GRID1: variants seen among roughly 807,000 people sequenced by gnomAD.
GRID1 encodes the protein glutamate ionotropic receptor delta type subunit 1.
Under a neutral mutation model 98.0 loss-of-function variants are expected in GRID1, and 28 were observed. That is an observed-to-expected ratio of 0.29 (90% CI 0.21 to 0.39). The LOEUF (loss-of-function observed/expected upper bound fraction) is 0.39. GRID1 is among the 10% of genes least tolerant of loss of function. The pLI, the probability that GRID1 is intolerant of heterozygous loss-of-function variation, is 1.00. For missense variants in GRID1, 1,111 were observed against 1,340.5 expected, an observed-to-expected ratio of 0.83 and a Z score of 2.67; for synonymous variants, 553 against 538.5, an observed-to-expected ratio of 1.03 and a Z score of -0.37.
chr10:85,839,717 G>A lies in GRID1; in HGVS notation c.1233+14779C>T, dbSNP rs544891069. Among the ~76,000 whole-genome samples the A allele has an allele frequency of 2.6e-5, 4 of 151,856 alleles. No homozygotes were observed. In the South Asian group the frequency reaches 6.2e-4, roughly 24 times the overall value. ...TAACATCACAACTAAAAGAACTAGA[G>A]AACCAAAAGCAAACAGATCTCAAAG... On this transcript the variant is annotated intron_variant, in intron 8 of 15. Transcript: ENST00000327946.
At chr10:85,765,954 G>T (rs1842193389) in intron 8 of GRID1, among the ~76,000 whole-genome samples, 1 of 152,170 alleles carries the variant, frequency 6.6e-6, no homozygotes, top group African/African-American at 2.4e-5. Flanking sequence ...AAAACATATT[G>T]CTGGCTGCCA....
At chr10:85,627,938 C>T (rs543217070) in intron 13 of GRID1, among the ~76,000 whole-genome samples, 1 of 152,306 alleles carries the variant, frequency 6.6e-6, no homozygotes, top group South Asian at 2.1e-4. Context: ...CACTCCCCCA[C>T]CTTCACCAAG....
At position 86,112,041 on chromosome 10, in the gene GRID1, C is replaced by T. The variant is rs115534668; in HGVS notation, c.726+26778G>A. 5.5e-3 allele frequency among the ~76,000 whole-genome samples: 833 copies of T among 152,322 alleles called. 11 individuals carry two copies. Among genetic ancestry groups the T allele is most frequent in the African/African-American group, 0.018 (760 of 41,572 alleles). ...CTGGTGAGTGGCTGAGGCAAGGCTG[C>T]AGGTAGGCACTTTCAGGTGTAAGAC... On this transcript the variant is annotated intron_variant, in intron 4 of 15. Transcript: ENST00000327946.
chr10:85,854,442 G>A, intron 8 of GRID1, 54 bp downstream of exon 8: 3 of 1,576,686 alleles, frequency 1.9e-6, no homozygotes, highest in East Asian at 2.2e-5. Flanking sequence ...AGCTGTTGCT[G>A]TCTTTGGTGG....
At chr10:86,279,819 T>C (rs1311265745) in intron 2 of GRID1, among the ~76,000 whole-genome samples, 1 of 152,194 alleles carries the variant, frequency 6.6e-6, no homozygotes, top group Non-Finnish European at 1.5e-5. Context: ...TCTTCACAGG[T>C]GACATTATCA....
chr10:86,185,244 T>C (rs966410181), intron 3 of GRID1, among the ~76,000 whole-genome samples: 1 of 152,130 alleles, frequency 6.6e-6, no homozygotes, highest in Admixed American at 6.5e-5. Flanking sequence ...TTGTATGCTA[T>C]TGTAAATAGT....
intron 4 of GRID1, among the ~76,000 whole-genome samples, chr10:86,088,835 C>A (rs982810461): frequency 1.3e-5 from 2 of 151,888 alleles, no homozygotes; most frequent in African/African-American, 4.8e-5. Flanking sequence ...TTTCTTTTTG[C>A]CTCATATTTT....
At chr10:85,854,407 G>T in intron 8 of GRID1, 89 bp downstream of exon 8, 2 of 1,196,460 alleles carry the variant, frequency 1.7e-6, no homozygotes, top group African/African-American at 3.0e-5. Context: ...CTAGTTAACA[G>T]TTGCTGGGAG....
intron 3 of GRID1, among the ~76,000 whole-genome samples, chr10:86,204,032 C>A (rs528465713): frequency 6.6e-6 from 1 of 152,206 alleles, no homozygotes; most frequent in South Asian, 2.1e-4. Context: ...TCAACCCCAC[C>A]AAAGGTAGCA....
At chr10:86,363,868 C>A (rs957842899) in intron 2 of GRID1, 73 bp downstream of exon 2, 1 of 1,343,702 alleles carries the variant, frequency 7.4e-7, no homozygotes, top group Non-Finnish European at 1.0e-6. Flanking sequence ...CTCGTCCCAA[C>A]CCCTCCGGTG....
chr10:86,172,634 A>C (rs1318888478), intron 3 of GRID1, among the ~76,000 whole-genome samples: 1 of 152,192 alleles, frequency 6.6e-6, no homozygotes, highest in East Asian at 1.9e-4. Flanking sequence ...GGATAAAAGC[A>C]ATCTGTCCAG....
intron 13 of GRID1, among the ~76,000 whole-genome samples, chr10:85,635,790 T>C (rs558832598): frequency 2.6e-5 from 4 of 152,276 alleles, no homozygotes; most frequent in African/African-American, 9.6e-5. Context: ...ACGTTAATGC[T>C]TCTGTTATGG....
At chr10:85,684,966 G>A (rs1841252217) in intron 12 of GRID1, among the ~76,000 whole-genome samples, 2 of 152,172 alleles carry the variant, frequency 1.3e-5, no homozygotes, top group East Asian at 3.8e-4. Context: ...ACTTCCTAAA[G>A]ACTCTGTCTC....
chr10:86,093,387 TG>T (rs956942978), intron 4 of GRID1, among the ~76,000 whole-genome samples: 1 of 132,930 alleles, frequency 7.5e-6, no homozygotes, highest in African/African-American at 2.8e-5. Context: ...TAAATGAAAC[TG>T]AAAAAAAAAA....
chr10:85,613,331 C>T (rs1036425438), intron 15 of GRID1, 76 bp downstream of exon 15: 69 of 1,444,322 alleles, frequency 4.8e-5, no homozygotes, highest in Non-Finnish European at 6.1e-5. Flanking sequence ...CTAGAAACAA[C>T]CTGCCCTCCC....
At chr10:85,690,333 A>T (rs901203359) in intron 12 of GRID1, among the ~76,000 whole-genome samples, 2 of 152,190 alleles carry the variant, frequency 1.3e-5, no homozygotes. Flanking sequence ...TCTAAGCCTG[A>T]TTACTGTTGA....
chr10:86,073,231 C>A (rs1285844744), intron 4 of GRID1, among the ~76,000 whole-genome samples: 1 of 152,224 alleles, frequency 6.6e-6, no homozygotes, highest in African/African-American at 2.4e-5. Flanking sequence ...AATCCATACT[C>A]ATCACACAGC....
At chr10:86,193,640 C>T (rs1207512455) in intron 3 of GRID1, among the ~76,000 whole-genome samples, 1 of 152,028 alleles carries the variant, frequency 6.6e-6, no homozygotes, top group Non-Finnish European at 1.5e-5. Context: ...CATACTGCAC[C>T]CTATTCTCTG....
chr10:85,639,281 T>A (rs189963402), intron 13 of GRID1, among the ~76,000 whole-genome samples: 1 of 152,192 alleles, frequency 6.6e-6, no homozygotes, highest in East Asian at 1.9e-4. Context: ...CATGAGTAAA[T>A]CTCATATACA....
Sources: gnomAD v4.1 joint callset for allele counts (sites outside exome capture counted in the v4.1 genomes callset) on GRCh38, gnomAD v4.1.1 for gene constraint, MANE v1.5 for transcripts, NCBI Gene and HGNC (gene_info 2026-07-23, HGNC 2026-07-21) for gene names.